Variants in UBR2 observed in about 807,000 individuals in gnomAD.
UBR2 encodes the protein E3 ubiquitin-protein ligase UBR2.
Under a neutral mutation model 247.9 loss-of-function variants are expected in UBR2, and 92 were observed. That is an observed-to-expected ratio of 0.37 (90% CI 0.31 to 0.44). The LOEUF is 0.44. Among genes scored for constraint, UBR2 ranks in the 20% least tolerant of loss-of-function variants. The pLI is 1.00. For missense variants in UBR2, 1,613 were observed against 2,112.6 expected, an observed-to-expected ratio of 0.76 and a Z score of 4.64; for synonymous variants, 672 against 693.5, an observed-to-expected ratio of 0.97 and a Z score of 0.49.
chr6:42,571,222 G>A (rs2151900368), intron 1 of UBR2, among the ~76,000 whole-genome samples: 1 of 112,054 alleles, frequency 8.9e-6, no homozygotes, highest in Middle Eastern at 0.011. Context: ...CAGCCTGGGT[G>A]ACAGAGCAAG....
intron 32 of UBR2, among the ~76,000 whole-genome samples, chr6:42,664,733 TAAG>T (rs1798015283): frequency 6.6e-6 from 1 of 152,240 alleles, no homozygotes; most frequent in African/African-American, 2.4e-5. Flanking sequence ...TAACTGTGTA[TAAG>T]AAGAAATCAC....
At chr6:42,600,625 CAAAAAAA>C (rs71680032) in intron 4 of UBR2, among the ~76,000 whole-genome samples, 63 of 106,144 alleles carry the variant, frequency 5.9e-4, no homozygotes, top group East Asian at 4.5e-3. Context: ...GTTACTGTAG[CAAAAAAA>C]AAAAAAAAAA....
At position 42,632,581 on chromosome 6, in the gene UBR2, A is replaced by G. The variant is rs5014584; in HGVS notation, c.1311A>G (p.Leu437=). 0.91 allele frequency: 1,466,454 copies of G among 1,605,798 alleles called. 670,322 individuals are homozygous for G. The highest frequency in any genetic ancestry group is 1 in the East Asian group (44,721 of 44,770). Residue 437 remains leucine (L), a synonymous_variant, in exon 12 of 47, where the codon TTA becomes TTG. Coordinates refer to ENST00000372901, the MANE Select transcript of UBR2 (RefSeq NM_001363705.2). ...LARMLITEEN[L]MSIIIKTFMD... is the part of the protein sequence containing the mutation. ...GAATGCTCATCACAGAAGAAAACTT[A>G]ATGAGCATTATCATTAAGACTTTTA...
At chr6:42,611,847 C>T (rs1004105956) in intron 7 of UBR2, among the ~76,000 whole-genome samples, 3 of 148,252 alleles carry the variant, frequency 2.0e-5, no homozygotes, top group African/African-American at 7.5e-5. Context: ...GTGGAGGTTG[C>T]GGTGAGCCGA....
rs533493422 is a variant in UBR2, at chr6:42,578,933, A to T, written c.338+4940A>T. Among the ~76,000 whole-genome samples the T allele has an allele frequency of 6.0e-5, 9 of 150,622 alleles. No homozygotes were observed. In the South Asian group the frequency reaches 1.9e-3, roughly 32 times the overall value. ...AGCCGAGATCATGCCATTGCACTCC[A>T]GCCTGGGCGAAACTCCATCTCAAAA... is the stretch of plus-strand genomic sequence containing the variant. On this transcript the variant is annotated intron_variant, in intron 2 of 46. Coordinates refer to ENST00000372901, the MANE Select transcript of UBR2 (RefSeq NM_001363705.2).
Position 42,641,588 on chromosome 6 carries a change from C to G in UBR2, c.1927C>G (p.Leu643Val). ...TTATTTTTTGTATATATAGAGTGAACTTAGCCCACCCATGTTGATAGAACA... is the reference window on the plus strand; with the variant it reads ...TTATTTTTTGTATATATAGAGTGAAGTTAGCCCACCCATGTTGATAGAACA... The part of the protein sequence containing the change: ...KFPELLPLSE[L>V]SPPMLIEHPL... Residue 643 changes from leucine to valine, a missense_variant, in exon 17 of 47, where the codon CTT becomes GTT. By Grantham distance (32) the Leu-to-Val change is conservative. This residue lies in a region of UBR2 where 1,524 missense variants were observed against 1,967.3 expected (regional missense o/e 0.77). Transcript: ENST00000372901. 1 of 1,591,710 alleles carries G rather than the reference C, an allele frequency of 6.3e-7. No homozygotes were observed.
intron 28 of UBR2, 83 bp downstream of exon 28, chr6:42,658,403 G>T: frequency 7.7e-7 from 1 of 1,306,178 alleles, no homozygotes; most frequent in Non-Finnish European, 1.1e-6. Flanking sequence ...ACATTAAGTT[G>T]CCAGTTACTC....
intron 6 of UBR2, among the ~76,000 whole-genome samples, 176 bp downstream of exon 6, chr6:42,606,035 G>T (rs1793676603): frequency 6.6e-6 from 1 of 152,114 alleles, no homozygotes; most frequent in African/African-American, 2.4e-5. Flanking sequence ...ACGAGGTCAG[G>T]AGTTCGAGAC....
intron 7 of UBR2, among the ~76,000 whole-genome samples, chr6:42,608,857 G>A (rs979654920): frequency 6.6e-6 from 1 of 151,956 alleles, no homozygotes; most frequent in African/African-American, 2.4e-5. Context: ...CTTTCATTGA[G>A]CAAAAACTTT....
At chr6:42,565,835 C>A (rs1343710512) in intron 1 of UBR2, among the ~76,000 whole-genome samples, 1 of 152,174 alleles carries the variant, frequency 6.6e-6, no homozygotes, top group Non-Finnish European at 1.5e-5. Context: ...GCTGGGATTA[C>A]AGGCGTGAGC....
At chr6:42,579,977 A>G (rs557045916) in intron 2 of UBR2, among the ~76,000 whole-genome samples, 1 of 152,134 alleles carries the variant, frequency 6.6e-6, no homozygotes, top group Non-Finnish European at 1.5e-5. Context: ...AACTGTTTTC[A>G]TAGTAAGGAC....
At position 42,640,241 on chromosome 6, in the gene UBR2, G is replaced by A. The variant is rs754820721; in HGVS notation, c.1891G>A (p.Ala631Thr). ...TGTATTATTAAGCAAAAGTGAAGTGGCATATAAATTTCCAGAGCTCCTACC... is the reference window on the plus strand; with the variant it reads ...TGTATTATTAAGCAAAAGTGAAGTGACATATAAATTTCCAGAGCTCCTACC... ...LHVLLSKSEV[A>T]YKFPELLPLS... The change falls in exon 16 of 47, where the codon GCA (alanine) becomes ACA (threonine). Residue 631 changes from alanine (A) to threonine (T), a missense_variant. Ala to Thr is a moderately conservative substitution (Grantham distance 58, BLOSUM62 0). Coordinates refer to ENST00000372901, the MANE Select transcript of UBR2 (RefSeq NM_001363705.2). The A allele has an allele frequency of 3.8e-5, 61 of 1,607,156 alleles. No individual in the cohort carries two copies. The highest frequency in any genetic ancestry group is 5.1e-5 in the Non-Finnish European group (60 of 1,177,720).
chr6:42,679,459 A>G (rs1798903306), intron 41 of UBR2, among the ~76,000 whole-genome samples: 1 of 152,274 alleles, frequency 6.6e-6, no homozygotes, highest in Non-Finnish European at 1.5e-5. Context: ...TAGATTGTGC[A>G]GGCACACCAT....
intron 30 of UBR2, among the ~76,000 whole-genome samples, chr6:42,661,566 A>G (rs1248029152): frequency 1.3e-5 from 2 of 152,216 alleles, no homozygotes; most frequent in Non-Finnish European, 2.9e-5. Flanking sequence ...CCAGACATCC[A>G]TCTTGTTTTT....
intron 8 of UBR2, among the ~76,000 whole-genome samples, chr6:42,614,242 ACACG>A (rs141149096): frequency 0.022 from 523 of 23,896 alleles, 32 homozygotes; most frequent in East Asian, 0.13. Flanking sequence ...ACACACACAC[ACACG>A]CGCGCACATA....
chr6:42,641,612 C>T lies in UBR2; in HGVS notation c.1951C>T (p.His651Tyr). The stretch of plus-strand genomic sequence containing the variant: ...ACTTAGCCCACCCATGTTGATAGAA[C>T]ACCCTCTTAGATGTCTTGTTCTGTG... ...SELSPPMLIE[H>Y]PLRCLVLCAQ... The change falls in exon 17 of 47, where the codon CAC becomes TAC. Residue 651 changes from histidine (H) to tyrosine (Y), a missense_variant. Coordinates refer to ENST00000372901, the MANE Select transcript of UBR2 (RefSeq NM_001363705.2). 6.3e-7 allele frequency: 1 copy of T among 1,597,780 alleles called. No individual in the cohort carries two copies. Among genetic ancestry groups the T allele is most frequent in the Admixed American group, 1.8e-5 (1 of 55,952 alleles).
Position 42,612,299 on chromosome 6 carries a change from C to T in UBR2, c.985+8C>T. 4 of 1,494,940 alleles carry T rather than the reference C, an allele frequency of 2.7e-6. No homozygotes were observed. The highest frequency in any genetic ancestry group is 3.6e-6 in the Non-Finnish European group (4 of 1,099,838). 92.6% of individuals were successfully genotyped at this position (1,494,940 alleles called of 1,614,324 possible). A position where few individuals can be genotyped will look rare whatever the true frequency, so the allele number is the denominator to read the frequency against. On this transcript the variant is annotated splice_region_variant and intron_variant, in intron 8 of 46. Coordinates refer to ENST00000372901, the MANE Select transcript of UBR2 (RefSeq NM_001363705.2). ...GTATTATTGGATATTCAGGTAGGTTCATAAAAGTTCATGCCAATTGTCTAT... is the reference window on the plus strand; with the variant it reads ...GTATTATTGGATATTCAGGTAGGTTTATAAAAGTTCATGCCAATTGTCTAT...
chr6:42,634,228 C>T, intron 13 of UBR2: 2 of 402,044 alleles, frequency 5.0e-6, no homozygotes, highest in South Asian at 3.7e-5. Context: ...CCTTTTTCCC[C>T]TGTTTAATTC....
At chr6:42,657,277 T>A (rs1014636132) in intron 26 of UBR2, among the ~76,000 whole-genome samples, 1 of 152,028 alleles carries the variant, frequency 6.6e-6, no homozygotes, top group Non-Finnish European at 1.5e-5. Flanking sequence ...TTACTTTCTC[T>A]TTCCTTATTA....
Sources: gnomAD v4.1 joint callset for allele counts (sites outside exome capture counted in the v4.1 genomes callset) on GRCh38, gnomAD v4.1.1 for gene constraint, gnomAD v4.1.1 regional missense constraint, MANE v1.5 for transcripts, NCBI Gene and HGNC (gene_info 2026-07-23, HGNC 2026-07-21) for gene names.